The following OSGEP variants were observed in gnomAD, a reference collection of about 807,000 sequenced individuals.
OSGEP encodes the protein O-sialoglycoprotein endopeptidase, also known as tRNA N6-adenosine threonylcarbamoyltransferase.
In OSGEP, 39 loss-of-function variants were observed where a neutral mutation model predicts 44.1. That is an observed-to-expected ratio of 0.88 (90% CI 0.69 to 1.16). The LOEUF is 1.16. OSGEP is among the 50% of genes most tolerant of loss of function. The probability of loss-of-function intolerance (pLI) is 0.00; values close to 1 mark genes in which losing one functional copy is unlikely to be tolerated. For missense variants in OSGEP, 403 were observed against 443.1 expected, an observed-to-expected ratio of 0.91 and a Z score of 0.81; for synonymous variants, 139 against 161.9, an observed-to-expected ratio of 0.86 and a Z score of 1.07.
intron 1 of OSGEP, among the ~76,000 whole-genome samples, chr14:20,454,010 C>T (rs898935940): frequency 6.6e-5 from 10 of 151,982 alleles, no homozygotes; most frequent in African/African-American, 2.4e-4. Flanking sequence ...CAGAGCAAGA[C>T]TCTGTCTCAA....
chr14:20,452,020 C>A lies in OSGEP; in HGVS notation c.365G>T (p.Gly122Val), dbSNP rs1166790792. The A allele has an allele frequency of 6.2e-7, 1 of 1,613,240 alleles. No individual in the cohort carries two copies. Among genetic ancestry groups the A allele is most frequent in the Non-Finnish European group, 8.5e-7 (1 of 1,179,700 alleles). ...ATACAACACGGTTGGGCTGGTGGCT[C>A]CAGTGATGAGGCGGCCCATCTCAAT... ...GHIEMGRLIT[G>V]ATSPTVLYVS... The change falls in exon 3 of 11, where the codon GGA becomes GTA. Residue 122 changes from glycine to valine, a missense_variant. Gly to Val is a moderately radical substitution (Grantham distance 109). Coordinates refer to ENST00000206542, the MANE Select transcript of OSGEP (RefSeq NM_017807.4).
In OSGEP at chr14:20,454,648, A is replaced by C. The variant is rs1261767900; in HGVS notation, c.36T>G (p.Asn12Lys). ...PAVLGFEGSANKIGVGVVRDG... is the reference protein window; with the variant it reads ...PAVLGFEGSAKKIGVGVVRDG... ...CCCGCACCACGCCCACGCCAATCTT[A>C]TTGGCGCTGCCTTCAAAACCCAGCA... Residue 12 changes from asparagine (N) to lysine (K), a missense_variant, in exon 1 of 11, where the codon AAT becomes AAG. Coordinates refer to ENST00000206542, the MANE Select transcript of OSGEP (RefSeq NM_017807.4). The C allele has an allele frequency of 6.2e-7, 1 of 1,614,138 alleles. No individual in the cohort carries two copies. The highest frequency in any genetic ancestry group is 8.5e-7 in the Non-Finnish European group (1 of 1,180,012).
chr14:20,453,058 G>A (rs1369444028), intron 1 of OSGEP, among the ~76,000 whole-genome samples: 2 of 151,352 alleles, frequency 1.3e-5, no homozygotes, highest in Non-Finnish European at 1.5e-5. Flanking sequence ...GCATGATGAT[G>A]TCATTTATTT....
At chr14:20,451,297 T>G (rs1881090760) in intron 3 of OSGEP, 1 of 295,370 alleles carries the variant, frequency 3.4e-6, no homozygotes, top group African/African-American at 2.3e-5. Flanking sequence ...AGTTGTTTTT[T>G]TTTGTTTTTT....
rs549800401 is a variant in OSGEP at position 20,450,088 on chromosome 14, G to C, written c.412-822C>G. ...AGACAGAGTCTTGTTCTGTCGCCTAGGCTGGAGTGCAATGGCGTGATCTCA... is the reference window on the plus strand; with the variant it reads ...AGACAGAGTCTTGTTCTGTCGCCTACGCTGGAGTGCAATGGCGTGATCTCA... On this transcript the variant is annotated intron_variant, in intron 3 of 10. Transcript: ENST00000206542. 2.0e-5 allele frequency: 3 copies of C among 150,662 alleles called. No homozygotes were observed. In the South Asian group the frequency reaches 6.3e-4, roughly 32 times the overall value. The allele number at this position is 150,662 out of a possible 1,614,324, so 9.3% of individuals were successfully genotyped here. A position where few individuals can be genotyped will look rare whatever the true frequency, so the allele number is the denominator to read the frequency against.
intron 1 of OSGEP, among the ~76,000 whole-genome samples, chr14:20,453,918 C>A (rs1326529511): frequency 6.6e-6 from 1 of 151,990 alleles, no homozygotes; most frequent in Non-Finnish European, 1.5e-5. Context: ...ACTTGGGAGG[C>A]TGGGGTAGAA....
chr14:20,447,451 G>A lies in OSGEP; in HGVS notation c.939C>T (p.Thr313=). 1 of 1,614,068 alleles carries A rather than the reference G, an allele frequency of 6.2e-7. No homozygotes were observed. Among genetic ancestry groups the A allele is most frequent in the South Asian group, 1.1e-5 (1 of 91,080 alleles). The change falls in exon 10 of 11, where the codon ACC becomes ACT. Residue 313 remains threonine (T), a synonymous_variant. Coordinates refer to ENST00000206542, the MANE Select transcript of OSGEP (RefSeq NM_017807.4). Reference sequence around the variant, plus strand: ...GTGTAACCCCAGAATCACTGAGTGGGGTCCTGTGTCCAGCCCGAAACATCT... The same window carrying A: ...GTGTAACCCCAGAATCACTGAGTGGAGTCCTGTGTCCAGCCCGAAACATCT... ...GWEMFRAGHR[T]PLSDSGVTQR...
chr14:20,454,778 G>A lies in OSGEP; in HGVS notation c.-95C>T. The A allele has an allele frequency of 1.1e-6, 1 of 899,846 alleles. No individual in the cohort carries two copies. Among genetic ancestry groups the A allele is most frequent in the Non-Finnish European group, 1.7e-6 (1 of 572,846 alleles). The allele number at this position is 899,846 out of a possible 1,614,324, so 55.7% of individuals were successfully genotyped here. A position where few individuals can be genotyped will look rare whatever the true frequency, so the allele number is the denominator to read the frequency against. On this transcript the variant is annotated 5_prime_UTR_variant, in exon 1 of 11. Coordinates refer to ENST00000206542, the MANE Select transcript of OSGEP (RefSeq NM_017807.4). ...CCGCGCTGGGCCGCAGCTTTCCGGA[G>A]CGCAGAGGAAGCTGGCCAGCCTGCA...
rs145110813 is a variant in OSGEP at position 20,447,203 on chromosome 14, G to A, written c.*37C>T. ...TGAGGCACGGGGTCCTTTGGGTTCCGATTAAGGAACTATCTACTCTGATTC... is the reference window on the plus strand; with the variant it reads ...TGAGGCACGGGGTCCTTTGGGTTCCAATTAAGGAACTATCTACTCTGATTC... On this transcript the variant is annotated 3_prime_UTR_variant, in exon 11 of 11. Transcript: ENST00000206542. 1.1e-3 allele frequency: 1,689 copies of A among 1,593,550 alleles called. 15 individuals are homozygous for A. In the African/African-American group the frequency reaches 0.02, roughly 18 times the overall value.
At chr14:20,449,088 C>G in intron 4 of OSGEP, 75 bp from the exon 5 acceptor site, 1 of 1,500,900 alleles carries the variant, frequency 6.7e-7, no homozygotes, top group South Asian at 1.1e-5. Flanking sequence ...ATAAGAAGCT[C>G]ATTTACTATT....
chr14:20,452,398 G>A lies in OSGEP; in HGVS notation c.166C>T (p.Leu56=). Residue 56 remains leucine (L), a synonymous_variant, in exon 2 of 11, where the codon CTG becomes TTG. Transcript: ENST00000206542. The part of the protein sequence containing the change: ...ARHHRAVILD[L]LQEALTESGL... Reference sequence around the variant, plus strand: ...GACTCTGTTAGTGCCTCCTGCAGCAGGTCTAGGATAACAGCTCGGTGATGC... The same window carrying A: ...GACTCTGTTAGTGCCTCCTGCAGCAAGTCTAGGATAACAGCTCGGTGATGC... 1.9e-6 allele frequency: 3 copies of A among 1,613,878 alleles called. No homozygotes were observed. The highest frequency in any genetic ancestry group is 2.5e-6 in the Non-Finnish European group (3 of 1,179,800).
In OSGEP at chr14:20,449,023, G is replaced by GA. The variant is rs377738577; in HGVS notation, c.508-11dup. 13 of 1,611,634 alleles carry GA rather than the reference G, an allele frequency of 8.1e-6. No individual in the cohort carries two copies. The African/African-American group carries it at 1.5e-4, about 18-fold the overall frequency. On this transcript the variant is annotated splice_polypyrimidine_tract_variant and intron_variant, in intron 4 of 10. Transcript: ENST00000206542. ...TTGGGTCGTTAGAAATCTAGCAGAA[G>GA]AAAAAAATAAGGAAGGAGGGAATGG...
At chr14:20,454,394 T>C in intron 1 of OSGEP, 175 bp downstream of exon 1, 1 of 692,678 alleles carries the variant, frequency 1.4e-6, no homozygotes, top group Non-Finnish European at 2.7e-6. Context: ...ACTCATCAGA[T>C]CCACGTCCAA....
At chr14:20,452,720 TTTTTC>T (rs1881136185) in intron 1 of OSGEP, among the ~76,000 whole-genome samples, 1 of 151,768 alleles carries the variant, frequency 6.6e-6, no homozygotes, top group African/African-American at 2.4e-5. Flanking sequence ...TTTTTTTTTT[TTTTTC>T]TTTTGAGACA....
chr14:20,452,689 C>T (rs934159925), intron 1 of OSGEP, among the ~76,000 whole-genome samples: 13 of 150,884 alleles, frequency 8.6e-5, no homozygotes, highest in Non-Finnish European at 1.9e-4. Context: ...GTAGTATCTA[C>T]CTCATACCCT....
At position 20,452,927 on chromosome 14, in the gene OSGEP, C is replaced by T. The variant is rs577915557; in HGVS notation, c.116-479G>A. On this transcript the variant is annotated intron_variant, in intron 1 of 10. Coordinates refer to ENST00000206542, the MANE Select transcript of OSGEP (RefSeq NM_017807.4). Reference sequence around the variant, plus strand: ...GTTTCACCATATTGGCCAGGCTGGTCTCGAACTCCTGACCTCGTGATCCGT... The same window carrying T: ...GTTTCACCATATTGGCCAGGCTGGTTTCGAACTCCTGACCTCGTGATCCGT... Among the ~76,000 whole-genome samples, 406 of 152,250 alleles carry T rather than the reference C, an allele frequency of 2.7e-3. 2 individuals carry two copies. Among genetic ancestry groups the T allele is most frequent in the Non-Finnish European group, 4.9e-3 (334 of 68,016 alleles).
chr14:20,448,180 A>G lies in OSGEP; in HGVS notation c.637-9T>C, dbSNP rs918044360. 6.2e-7 allele frequency: 1 copy of G among 1,609,816 alleles called. No individual in the cohort carries two copies. The highest frequency in any genetic ancestry group is 8.5e-7 in the Non-Finnish European group (1 of 1,176,062). The stretch of plus-strand genomic sequence containing the variant: ...ATCCGATGGGCTACATCCTACAATT[A>G]AAGGGAAAAACAAAAGAATCAACAA... On this transcript the variant is annotated splice_polypyrimidine_tract_variant and intron_variant, in intron 6 of 10. Coordinates refer to ENST00000206542, the MANE Select transcript of OSGEP (RefSeq NM_017807.4).
In OSGEP at chr14:20,452,072, C is replaced by A; in HGVS notation, c.313G>T (p.Val105Leu). Residue 105 changes from valine to leucine, a missense_variant, in exon 3 of 11, where the codon GTG becomes TTG. Physicochemically the swap from Val to Leu is conservative, Grantham distance 32. Coordinates refer to ENST00000206542, the MANE Select transcript of OSGEP (RefSeq NM_017807.4). ...TVAQLWNKPL[V>L]GVNHCIGHIE... Reference sequence around the variant, plus strand: ...TGGCCTATACAGTGGTTCACACCCACCAATGGCTTATTCCACAGTTGGGCC... The same window carrying A: ...TGGCCTATACAGTGGTTCACACCCAACAATGGCTTATTCCACAGTTGGGCC... 1 of 1,613,920 alleles carries A rather than the reference C, an allele frequency of 6.2e-7. No individual in the cohort carries two copies. Among genetic ancestry groups the A allele is most frequent in the Non-Finnish European group, 8.5e-7 (1 of 1,179,998 alleles).
In OSGEP at chr14:20,454,706, C is replaced by T. The variant is rs1881223480; in HGVS notation, c.-23G>A. The stretch of plus-strand genomic sequence containing the variant: ...CATGGCGGAGGCTGGGAGAAAACGC[C>T]GACAGGACTCCTGGCAATGTCAGGA... On this transcript the variant is annotated 5_prime_UTR_variant, in exon 1 of 11. Transcript: ENST00000206542. The T allele has an allele frequency of 6.4e-7, 1 of 1,552,728 alleles. No individual in the cohort carries two copies. Among genetic ancestry groups the T allele is most frequent in the Middle Eastern group, 1.7e-4 (1 of 5,936 alleles).
Sources: allele counts gnomAD v4.1 joint callset (sites outside exome capture counted in the v4.1 genomes callset), GRCh38; gene constraint gnomAD v4.1.1; transcripts MANE v1.5; gene names NCBI Gene and HGNC (gene_info 2026-07-23, HGNC 2026-07-21).